ZPLD1: variants seen among roughly 807,000 people sequenced by gnomAD.
ZPLD1 encodes zona pellucida-like domain-containing protein 1.
A neutral mutation model predicts 47.2 loss-of-function variants in ZPLD1; 34 were observed. That is an observed-to-expected ratio of 0.72 (90% CI 0.55 to 0.96). The LOEUF is 0.96. Among genes scored for constraint, ZPLD1 ranks in the 40% least tolerant of loss-of-function variants. ZPLD1 has a pLI of 0.00. For synonymous variants in ZPLD1, 176 were observed against 186.2 expected (o/e 0.95, Z 0.45); for missense variants, 512 against 505.8 (o/e 1.01, Z -0.12).
intron 8 of ZPLD1, among the ~76,000 whole-genome samples, chr3:102,419,390 A>G (rs147854116): frequency 6.6e-6 from 1 of 152,020 alleles, no homozygotes; most frequent in Non-Finnish European, 1.5e-5. Context: ...TGTGTTGTAT[A>G]TATTTTTGTT....
Position 102,469,025 on chromosome 3 carries a change from T to G in ZPLD1, c.823T>G (p.Ser275Ala), listed in dbSNP as rs763289263. 9.9e-6 allele frequency: 16 copies of G among 1,614,146 alleles called. No individual in the cohort carries two copies. The highest frequency in any genetic ancestry group is 1.3e-5 in the Non-Finnish European group (15 of 1,180,018). The change falls in exon 9 of 12, where the codon TCT becomes GCT. Residue 275 changes from serine (S) to alanine (A), a missense_variant. Coordinates refer to ENST00000466937, the MANE Select transcript of ZPLD1 (RefSeq NM_001329788.2). ...TGGCCGAAGCCAGCGGGGCCGGTTT[T>G]CTTTTGAAGTGTTCCGATTTGTGAA... ...ENGRSQRGRFSFEVFRFVKHK... is the reference protein window; with the variant it reads ...ENGRSQRGRFAFEVFRFVKHK...
intron 8 of ZPLD1, among the ~76,000 whole-genome samples, chr3:102,428,700 G>C (rs1341971973): frequency 6.7e-6 from 1 of 149,528 alleles, no homozygotes; most frequent in Admixed American, 6.7e-5. Context: ...TCAATCTTAG[G>C]TTTATTAAAT....
chr3:102,399,803 AGTTT>A (rs200587287), intron 7 of ZPLD1, among the ~76,000 whole-genome samples: 27 of 151,854 alleles, frequency 1.8e-4, no homozygotes, highest in Admixed American at 4.6e-4. Flanking sequence ...CAAGTCAGAG[AGTTT>A]GTTTGTTTGT....
At chr3:102,476,419 T>G (rs1707758999) in intron 10 of ZPLD1, among the ~76,000 whole-genome samples, 1 of 152,150 alleles carries the variant, frequency 6.6e-6, no homozygotes, top group African/African-American at 2.4e-5. Context: ...ATCAACAGCT[T>G]CAATCTTTTA....
At chr3:102,386,139 C>G (rs1706422212) in intron 6 of ZPLD1, among the ~76,000 whole-genome samples, 1 of 152,152 alleles carries the variant, frequency 6.6e-6, no homozygotes, top group Admixed American at 6.5e-5. Flanking sequence ...CCAAGAAATG[C>G]TGGAAAGAGA....
intron 8 of ZPLD1, among the ~76,000 whole-genome samples, chr3:102,429,354 T>A (rs1201931156): frequency 6.6e-6 from 1 of 152,158 alleles, no homozygotes; most frequent in East Asian, 1.9e-4. Context: ...TTTGACAGAA[T>A]CTTGCATTTT....
chr3:102,431,227 T>C (rs1441276075), upstream of ZPLD1, among the ~76,000 whole-genome samples: 1 of 152,034 alleles, frequency 6.6e-6, no homozygotes, highest in Non-Finnish European at 1.5e-5. Flanking sequence ...TCAGAGAAAA[T>C]TGGAGTAGGT....
At chr3:102,477,137 A>G in intron 11 of ZPLD1, 96 bp downstream of exon 11, 1 of 1,397,380 alleles carries the variant, frequency 7.2e-7, no homozygotes, top group South Asian at 1.2e-5. Context: ...GAGTTTTCCA[A>G]GTTTGGTCCA....
intron 3 of ZPLD1, among the ~76,000 whole-genome samples, chr3:102,446,500 C>A (rs879431858): frequency 7.9e-5 from 12 of 152,130 alleles, no homozygotes; most frequent in Non-Finnish European, 1.8e-4. Flanking sequence ...ATATTTCCAA[C>A]TATCTGCTGT....
intron 3 of ZPLD1, among the ~76,000 whole-genome samples, chr3:102,445,594 G>A (rs1317657728): frequency 6.6e-6 from 1 of 152,144 alleles, no homozygotes; most frequent in African/African-American, 2.4e-5. Flanking sequence ...TCAGGCCCCA[G>A]CTCAGATCCA....
chr3:102,473,772 C>T (rs1352774607), intron 10 of ZPLD1, among the ~76,000 whole-genome samples: 1 of 152,190 alleles, frequency 6.6e-6, no homozygotes, highest in African/African-American at 2.4e-5. Flanking sequence ...TATCCATCCA[C>T]ATGCAAATCC....
In ZPLD1 at chr3:102,477,427, G is replaced by T. The variant is rs775371536; in HGVS notation, c.1073-16G>T. The stretch of plus-strand genomic sequence containing the variant: ...ATATGGGGCCTTTACAACCGGGTGT[G>T]TTTTATTATTTGCAGGTTCTCCAAG... On this transcript the variant is annotated splice_polypyrimidine_tract_variant and intron_variant, in intron 11 of 11. Coordinates refer to ENST00000466937, the MANE Select transcript of ZPLD1 (RefSeq NM_001329788.2). The T allele has an allele frequency of 1.2e-5, 19 of 1,607,518 alleles. No individual in the cohort carries two copies. The highest frequency in any genetic ancestry group is 1.5e-5 in the Non-Finnish European group (18 of 1,177,558).
chr3:102,454,325 A>G (rs1434972156), intron 4 of ZPLD1, among the ~76,000 whole-genome samples: 1 of 152,106 alleles, frequency 6.6e-6, no homozygotes, highest in Admixed American at 6.5e-5. Context: ...AGTGGACCTA[A>G]GGGAGAGTGA....
chr3:102,406,592 A>G (rs770590841), intron 7 of ZPLD1, among the ~76,000 whole-genome samples: 1 of 151,954 alleles, frequency 6.6e-6, no homozygotes, highest in Non-Finnish European at 1.5e-5. Flanking sequence ...ATTATGGTTA[A>G]CTTCACTTGT....
At chr3:102,411,931 A>G (rs918694738) in intron 7 of ZPLD1, among the ~76,000 whole-genome samples, 4 of 151,870 alleles carry the variant, frequency 2.6e-5, no homozygotes, top group South Asian at 2.1e-4. Flanking sequence ...TAAGAAAGAA[A>G]TTGGCTTATG....
At chr3:102,476,018 A>G (rs1334564632) in intron 10 of ZPLD1, among the ~76,000 whole-genome samples, 1 of 152,154 alleles carries the variant, frequency 6.6e-6, no homozygotes, top group Non-Finnish European at 1.5e-5. Flanking sequence ...GCACATGTTT[A>G]CTCTGTCATA....
At chr3:102,474,651 C>G (rs1208716105) in intron 10 of ZPLD1, among the ~76,000 whole-genome samples, 1 of 152,052 alleles carries the variant, frequency 6.6e-6, no homozygotes, top group Non-Finnish European at 1.5e-5. Flanking sequence ...CTGCATGTAT[C>G]TTTGGTGGTC....
At chr3:102,391,607 A>G (rs1229620582) in intron 6 of ZPLD1, among the ~76,000 whole-genome samples, 1 of 152,060 alleles carries the variant, frequency 6.6e-6, no homozygotes, top group African/African-American at 2.4e-5. Flanking sequence ...GGAAGGATCC[A>G]ATAGCCAGAA....
Position 102,453,111 on chromosome 3 carries a change from C to G in ZPLD1, c.299C>G (p.Thr100Ser), listed in dbSNP as rs767949397. Residue 100 changes from threonine to serine, a missense_variant, in exon 4 of 12, where the codon ACC becomes AGC. Physicochemically the swap from Thr to Ser is moderately conservative, Grantham distance 58 (BLOSUM62 1). Coordinates refer to ENST00000466937, the MANE Select transcript of ZPLD1 (RefSeq NM_001329788.2). ...AVVIFIINLS[T>S]LEGCGNNLVV... The stretch of plus-strand genomic sequence containing the variant: ...GTCATTTTTATCATCAATCTCAGCA[C>G]CTTGGAGGGCTGTGGAAACAACCTG... 1.7e-5 allele frequency: 27 copies of G among 1,613,858 alleles called. No homozygotes were observed. Among genetic ancestry groups the G allele is most frequent in the Non-Finnish European group, 5.9e-6 (7 of 1,179,948 alleles).
Sources: gnomAD v4.1 joint callset for allele counts (sites outside exome capture counted in the v4.1 genomes callset) on GRCh38, gnomAD v4.1.1 for gene constraint, MANE v1.5 for transcripts, NCBI Gene and HGNC (gene_info 2026-07-23, HGNC 2026-07-21) for gene names.